The following SEMA6A variants were observed in gnomAD, a reference collection of about 807,000 sequenced individuals.
SEMA6A encodes semaphorin-6A.
SEMA6A carries 25 observed loss-of-function variants against 96.8 expected under a neutral mutation model. The ratio of observed to expected loss-of-function variants is 0.26; its 90% CI spans 0.19 to 0.36. The LOEUF is 0.36. Among genes scored for constraint, SEMA6A ranks in the 10% least tolerant of loss-of-function variants. SEMA6A has a pLI of 1.00. For missense variants in SEMA6A, 1,363 were observed against 1,323.1 expected, an observed-to-expected ratio of 1.03 and a Z score of -0.47; for synonymous variants, 612 against 518.0, an observed-to-expected ratio of 1.18 and a Z score of -2.46.
chr5:116,452,166 A>C (rs1226276883), intron 18 of SEMA6A, among the ~76,000 whole-genome samples: 2 of 152,162 alleles, frequency 1.3e-5, no homozygotes, highest in East Asian at 3.8e-4. Flanking sequence ...GGGTCTTGAA[A>C]TTCCTTCCTC....
chr5:116,479,987 A>G, intron 12 of SEMA6A, 135 bp downstream of exon 12: 1 of 1,013,280 alleles, frequency 9.9e-7, no homozygotes, highest in Non-Finnish European at 1.5e-6. Context: ...CCAATCGGCC[A>G]CCATTTCACA....
At chr5:116,494,753 G>C (rs1013959394) in intron 6 of SEMA6A, among the ~76,000 whole-genome samples, 2 of 152,230 alleles carry the variant, frequency 1.3e-5, no homozygotes, top group East Asian at 1.9e-4. Context: ...CTGGCAGAAA[G>C]ATGTACAAGG....
intron 1 of SEMA6A, among the ~76,000 whole-genome samples, chr5:116,520,755 G>T (rs1758904966): frequency 6.6e-6 from 1 of 152,148 alleles, no homozygotes; most frequent in Non-Finnish European, 1.5e-5. Context: ...TATTCTCCAG[G>T]AATTTAGACG....
chr5:116,478,045 C>G lies in SEMA6A; in HGVS notation c.1537G>C (p.Gly513Arg), dbSNP rs756636407. 1 of 1,613,936 alleles carries G rather than the reference C, an allele frequency of 6.2e-7. No individual in the cohort carries two copies. Among genetic ancestry groups the G allele is most frequent in the South Asian group, 1.1e-5 (1 of 91,080 alleles). Reference sequence around the variant, plus strand: ...CACTTCCCATGTCGTTCACACCGGCCAAGGGGAACCTTTATCACACAGGTA... The same window carrying G: ...CACTTCCCATGTCGTTCACACCGGCGAAGGGGAACCTTTATCACACAGGTA... ...FSTCVIKVPL[G>R]RCERHGKCKK... Residue 513 changes from glycine (G) to arginine (R), a missense_variant, in exon 14 of 19, where the codon GGC becomes CGC. Transcript: ENST00000343348.
chr5:116,547,119 G>C (rs957576670), intron 1 of SEMA6A, among the ~76,000 whole-genome samples: 1 of 152,106 alleles, frequency 6.6e-6, no homozygotes, highest in Non-Finnish European at 1.5e-5. Context: ...TACTCTAAAA[G>C]GACTTTAAAA....
At chr5:116,537,495 A>G (rs553080360) in intron 1 of SEMA6A, among the ~76,000 whole-genome samples, 5 of 152,164 alleles carry the variant, frequency 3.3e-5, no homozygotes, top group Non-Finnish European at 7.4e-5. Context: ...CCCCTAGGAT[A>G]TATCAGTGCT....
intron 7 of SEMA6A, among the ~76,000 whole-genome samples, 197 bp downstream of exon 7, chr5:116,491,543 A>C (rs767852527): frequency 9.9e-5 from 15 of 152,098 alleles, no homozygotes; most frequent in Non-Finnish European, 1.8e-4. Context: ...GAAGGCACAA[A>C]CACATGGGTA....
chr5:116,524,464 GTC>G (rs1467750928), intron 1 of SEMA6A, among the ~76,000 whole-genome samples: 1 of 152,140 alleles, frequency 6.6e-6, no homozygotes, highest in Admixed American at 6.5e-5. Context: ...CATGTGATTT[GTC>G]TCTCTGACCA....
chr5:116,465,042 G>A (rs993165723), intron 18 of SEMA6A, among the ~76,000 whole-genome samples: 1 of 152,156 alleles, frequency 6.6e-6, no homozygotes, highest in Non-Finnish European at 1.5e-5. Context: ...GCACACAAAT[G>A]TCACATTCTC....
At chr5:116,489,312 T>A (rs1161460688) in intron 7 of SEMA6A, among the ~76,000 whole-genome samples, 1 of 152,148 alleles carries the variant, frequency 6.6e-6, no homozygotes, top group African/African-American at 2.4e-5. Context: ...TAGCTGGACC[T>A]TGACTGAAAC....
intron 1 of SEMA6A, among the ~76,000 whole-genome samples, chr5:116,529,290 T>C (rs1759361421): frequency 6.6e-6 from 1 of 152,128 alleles, no homozygotes; most frequent in Non-Finnish European, 1.5e-5. Flanking sequence ...GATACAAAAG[T>C]ACAGCTAGAT....
At position 116,525,075 on chromosome 5, in the gene SEMA6A, C is replaced by G. The variant is rs919367502; in HGVS notation, c.-38-20093G>C. On this transcript the variant is annotated intron_variant, in intron 1 of 18. Coordinates refer to ENST00000343348, the MANE Select transcript of SEMA6A (RefSeq NM_020796.5). ...GGACAAAAGTTTATCTTCTCTGTGACTAACTCAACCCTGATCACTTTGTAA... is the reference window on the plus strand; with the variant it reads ...GGACAAAAGTTTATCTTCTCTGTGAGTAACTCAACCCTGATCACTTTGTAA... 2.0e-5 allele frequency among the ~76,000 whole-genome samples: 3 copies of G among 152,332 alleles called. No individual in the cohort carries two copies. The East Asian group carries it at 5.8e-4, about 29-fold the overall frequency.
chr5:116,447,468 G>A lies in SEMA6A; in HGVS notation c.2238C>T (p.Asp746=), dbSNP rs2112572444. Residue 746 remains aspartate, a synonymous_variant, in exon 19 of 19, where the codon GAC becomes GAT. Coordinates refer to ENST00000343348, the MANE Select transcript of SEMA6A (RefSeq NM_020796.5). ...GNTAKMLIKA[D]QHHLDLTALP... The stretch of plus-strand genomic sequence containing the variant: ...GGGCCGTCAGGTCCAGGTGGTGCTG[G>A]TCTGCTTTAATGAGCATCTTGGCCG... 1 of 1,614,084 alleles carries A rather than the reference G, an allele frequency of 6.2e-7. No individual in the cohort carries two copies. Among genetic ancestry groups the A allele is most frequent in the African/African-American group, 1.3e-5 (1 of 75,078 alleles).
intron 3 of SEMA6A, among the ~76,000 whole-genome samples, chr5:116,501,096 C>T (rs1401511051): frequency 1.3e-5 from 2 of 151,928 alleles, no homozygotes; most frequent in Non-Finnish European, 2.9e-5. Flanking sequence ...GGGGACACTA[C>T]AAGATAGTGC....
At chr5:116,519,279 T>C (rs944580950) in intron 1 of SEMA6A, among the ~76,000 whole-genome samples, 11 of 152,178 alleles carry the variant, frequency 7.2e-5, no homozygotes, top group Admixed American at 1.3e-4. Context: ...TTATCAATAA[T>C]TTTTCCAATT....
chr5:116,525,024 T>C (rs1283875206), intron 1 of SEMA6A, among the ~76,000 whole-genome samples: 1 of 152,250 alleles, frequency 6.6e-6, no homozygotes, highest in African/African-American at 2.4e-5. Flanking sequence ...TTTGCCTATC[T>C]AGACAATTCT....
intron 1 of SEMA6A, among the ~76,000 whole-genome samples, chr5:116,538,567 G>A (rs1164013809): frequency 6.6e-6 from 1 of 152,100 alleles, no homozygotes. Context: ...GTTCTGCTCA[G>A]AGGAACAGAA....
rs906804207 is a variant in SEMA6A at position 116,574,543 on chromosome 5, A to C, written c.-397T>G. On this transcript the variant is annotated 5_prime_UTR_variant, in exon 1 of 19. Coordinates refer to ENST00000343348, the MANE Select transcript of SEMA6A (RefSeq NM_020796.5). ...ATTCCACTTGGATTCCACTTCGGTG[A>C]GTCCCCTTGGTGGTGTCTGCGCCGA... 7.1e-6 allele frequency: 1 copy of C among 141,430 alleles called. No homozygotes were observed. Among genetic ancestry groups the C allele is most frequent in the African/African-American group, 2.7e-5 (1 of 37,688 alleles). The allele number at this position is 141,430 out of a possible 1,614,324, so 8.8% of individuals were successfully genotyped here.
intron 2 of SEMA6A, among the ~76,000 whole-genome samples, chr5:116,502,917 T>C (rs551345173): frequency 2.0e-5 from 3 of 152,336 alleles, no homozygotes; most frequent in Admixed American, 2.0e-4. Flanking sequence ...AGTTAAGCAA[T>C]TGGCTAACAA....
Sources: gnomAD v4.1 joint callset for allele counts (sites outside exome capture counted in the v4.1 genomes callset) on GRCh38, gnomAD v4.1.1 for gene constraint, MANE v1.5 for transcripts, NCBI Gene and HGNC (gene_info 2026-07-23, HGNC 2026-07-21) for gene names.